Variants in DRGX observed in about 807,000 individuals in gnomAD.
The protein encoded by DRGX is dorsal root ganglia homeobox protein.
DRGX carries 21 observed loss-of-function variants against 28.6 expected under a neutral mutation model. That is an observed-to-expected ratio of 0.73 (90% CI 0.52 to 1.06). The LOEUF (loss-of-function observed/expected upper bound fraction) is 1.06. Ranked by LOEUF, DRGX falls within the 50% of genes least tolerant of loss-of-function variation. The pLI, the probability that DRGX is intolerant of heterozygous loss-of-function variation, is 0.00. For missense variants in DRGX, 354 were observed against 343.9 expected, an observed-to-expected ratio of 1.03 and a Z score of -0.23; for synonymous variants, 136 against 139.1, an observed-to-expected ratio of 0.98 and a Z score of 0.16.
At chr10:49,386,351 T>G in intron 6 of DRGX, 127 bp downstream of exon 6, 1 of 759,912 alleles carries the variant, frequency 1.3e-6, no homozygotes, top group Non-Finnish European at 2.1e-6. Context: ...TGGCTGTGAC[T>G]GACAGGAGGC....
At chr10:49,391,705 A>G (rs915810181) in intron 2 of DRGX, 3 of 455,640 alleles carry the variant, frequency 6.6e-6, no homozygotes, top group Non-Finnish European at 8.9e-6. Flanking sequence ...GTTTCTATTA[A>G]CAAGAATTAA....
chr10:49,379,856 A>G (rs1243032118), intron 6 of DRGX, among the ~76,000 whole-genome samples: 1 of 152,238 alleles, frequency 6.6e-6, no homozygotes, highest in African/African-American at 2.4e-5. Flanking sequence ...GACAGCGTCC[A>G]AGGCCTCTGC....
chr10:49,377,232 A>C (rs1005151819), intron 6 of DRGX, among the ~76,000 whole-genome samples: 1 of 152,226 alleles, frequency 6.6e-6, no homozygotes, highest in Non-Finnish European at 1.5e-5. Context: ...TTTACTCTGC[A>C]CCAGACTCTG....
At chr10:49,385,136 G>A (rs1222524258) in intron 6 of DRGX, among the ~76,000 whole-genome samples, 1 of 152,166 alleles carries the variant, frequency 6.6e-6, no homozygotes, top group East Asian at 1.9e-4. Context: ...ATGTCCCAAT[G>A]TTGCTCTATG....
intron 4 of DRGX, among the ~76,000 whole-genome samples, chr10:49,387,726 C>T (rs1849855983): frequency 6.6e-6 from 1 of 151,972 alleles, no homozygotes; most frequent in African/African-American, 2.4e-5. Context: ...CTGGATCTAG[C>T]CATGGCCTAG....
intron 2 of DRGX, among the ~76,000 whole-genome samples, chr10:49,393,875 G>A (rs1042794639): frequency 3.3e-5 from 5 of 152,202 alleles, no homozygotes; most frequent in Admixed American, 1.3e-4. Flanking sequence ...CCGCAGGCCA[G>A]GCCAGGACTC....
chr10:49,386,721 G>C lies in DRGX; in HGVS notation c.372C>G (p.Asp124Glu). ...VRNINSPPPG[D>E]QARSKKEALE... ...GCGCCTCCTTCTTACTCCGGGCTTGGTCCCCAGGGGGCGGGGAGTTGATGT... is the reference window on the plus strand; with the variant it reads ...GCGCCTCCTTCTTACTCCGGGCTTGCTCCCCAGGGGGCGGGGAGTTGATGT... Residue 124 changes from aspartate to glutamate, a missense_variant, in exon 5 of 7, where the codon GAC (aspartate) becomes GAG (glutamate). By Grantham distance (45) the Asp-to-Glu change is conservative. Coordinates refer to ENST00000374139, the MANE Select transcript of DRGX (RefSeq NM_001276451.2). 6.3e-7 allele frequency: 1 copy of C among 1,598,168 alleles called. No individual in the cohort carries two copies. The highest frequency in any genetic ancestry group is 8.5e-7 in the Non-Finnish European group (1 of 1,172,934).
chr10:49,388,478 T>C (rs1210313162), intron 4 of DRGX, among the ~76,000 whole-genome samples: 6 of 152,254 alleles, frequency 3.9e-5, no homozygotes, highest in Admixed American at 6.5e-5. Context: ...CTTTCTTTTC[T>C]AATCTACTTG....
At chr10:49,379,366 G>A (rs769347734) in intron 6 of DRGX, among the ~76,000 whole-genome samples, 14 of 152,286 alleles carry the variant, frequency 9.2e-5, no homozygotes, top group Non-Finnish European at 1.9e-4. Flanking sequence ...TGCAAGCTTC[G>A]TGCATTTTTC....
chr10:49,366,056 G>T lies in DRGX; in HGVS notation c.*60C>A. 1 of 1,496,994 alleles carries T rather than the reference G, an allele frequency of 6.7e-7. No homozygotes were observed. The highest frequency in any genetic ancestry group is 2.3e-5 in the East Asian group (1 of 43,078). 92.7% of individuals were successfully genotyped at this position (1,496,994 alleles called of 1,614,324 possible). On this transcript the variant is annotated 3_prime_UTR_variant, in exon 7 of 7. Transcript: ENST00000374139. Reference sequence around the variant, plus strand: ...TGCTATTTGGAGAGTTTTCTGTAGGGGCTGAGGCTGGGAGAAGGAGGGGCG... The same window carrying T: ...TGCTATTTGGAGAGTTTTCTGTAGGTGCTGAGGCTGGGAGAAGGAGGGGCG...
chr10:49,376,776 TG>T (rs1689509162), intron 6 of DRGX, among the ~76,000 whole-genome samples: 1 of 152,164 alleles, frequency 6.6e-6, no homozygotes, highest in South Asian at 2.1e-4. Context: ...TCTCTCTGCC[TG>T]GGGGACCCTC....
At chr10:49,383,165 A>G (rs901450257) in intron 6 of DRGX, among the ~76,000 whole-genome samples, 3 of 152,232 alleles carry the variant, frequency 2.0e-5, no homozygotes, top group Non-Finnish European at 4.4e-5. Context: ...GCCACGACTC[A>G]CATAAGCAAT....
intron 6 of DRGX, among the ~76,000 whole-genome samples, chr10:49,372,425 A>G (rs1295547207): frequency 1.3e-5 from 2 of 152,292 alleles, no homozygotes; most frequent in African/African-American, 2.4e-5. Context: ...CCCTGACCCC[A>G]CTGTTAACCA....
At chr10:49,390,259 T>G in intron 3 of DRGX, 25 bp from the exon 4 acceptor site, 2 of 1,583,968 alleles carry the variant, frequency 1.3e-6, no homozygotes, top group Non-Finnish European at 1.7e-6. Flanking sequence ...AAATATGTAC[T>G]GGTGAGAGGC....
intron 6 of DRGX, among the ~76,000 whole-genome samples, chr10:49,374,975 A>C (rs1217219788): frequency 6.6e-6 from 1 of 152,276 alleles, no homozygotes; most frequent in Non-Finnish European, 1.5e-5. Flanking sequence ...AAATAAACTA[A>C]TAAACATTTT....
chr10:49,371,277 G>T (rs779848811), intron 6 of DRGX, among the ~76,000 whole-genome samples: 1 of 152,232 alleles, frequency 6.6e-6, no homozygotes, highest in South Asian at 2.1e-4. Context: ...CATCCTCTGG[G>T]GTTCCCAGGG....
At chr10:49,381,505 C>G (rs908774245) in intron 6 of DRGX, among the ~76,000 whole-genome samples, 1 of 152,266 alleles carries the variant, frequency 6.6e-6, no homozygotes, top group African/African-American at 2.4e-5. Flanking sequence ...GCTAGCATCC[C>G]CAGCTCTCTC....
chr10:49,390,110 A>G, intron 4 of DRGX, 23 bp downstream of exon 4: 2 of 1,576,380 alleles, frequency 1.3e-6, no homozygotes, highest in Non-Finnish European at 1.7e-6. Flanking sequence ...TTAGAGAGTT[A>G]AATAATTAAA....
At chr10:49,371,893 G>T (rs1354812409) in intron 6 of DRGX, among the ~76,000 whole-genome samples, 3 of 151,416 alleles carry the variant, frequency 2.0e-5, no homozygotes, top group Non-Finnish European at 2.9e-5. Flanking sequence ...TATGTGCAAA[G>T]TGCATTTCTA....
Sources: allele counts gnomAD v4.1 joint callset (sites outside exome capture counted in the v4.1 genomes callset), GRCh38; gene constraint gnomAD v4.1.1; transcripts MANE v1.5; gene names NCBI Gene and HGNC (gene_info 2026-07-23, HGNC 2026-07-21).